The following GARIN5B variants were observed in gnomAD, a reference collection of about 807,000 sequenced individuals.
The protein encoded by GARIN5B is golgi associated RAB2 interactor family member 5B.
At chr19:55,358,104 A>G in the GARIN5B span, 22 of 1,417,614 alleles carry the variant, frequency 1.6e-5, no homozygotes, top group African/African-American at 2.8e-4. Context: ...TCTCATAAAC[A>G]GCAGAGCTCA....
chr19:55,356,090 A>C, the GARIN5B span, among the ~76,000 whole-genome samples: 1 of 151,716 alleles, frequency 6.6e-6, no homozygotes, highest in South Asian at 2.1e-4. Context: ...ACACCGCTGC[A>C]CTCTAGCCTG....
At chr19:55,358,948 C>T in the GARIN5B span, 36 of 1,551,066 alleles carry the variant, frequency 2.3e-5, no homozygotes, top group South Asian at 3.7e-4. Flanking sequence ...CCTCCAACTT[C>T]CCCTGGCCCC....
the GARIN5B span, chr19:55,361,044 C>T: frequency 2.0e-5 from 31 of 1,550,796 alleles, no homozygotes; most frequent in East Asian, 2.4e-5. Context: ...GCTCCAGCTG[C>T]GACCAGATGA....
the GARIN5B span, chr19:55,362,665 G>A: frequency 6.5e-7 from 1 of 1,546,490 alleles, no homozygotes; most frequent in Non-Finnish European, 8.7e-7. Flanking sequence ...TGGCAGGGAG[G>A]CGGCCACGCC....
chr19:55,356,849 G>A, the GARIN5B span, among the ~76,000 whole-genome samples: 14 of 151,660 alleles, frequency 9.2e-5, no homozygotes, highest in African/African-American at 2.4e-4. Flanking sequence ...TCAGGAGTTC[G>A]AGACCAGCCT....
chr19:55,357,923 A>G, the GARIN5B span, among the ~76,000 whole-genome samples: 108,513 of 151,670 alleles, frequency 0.72, 40,014 homozygotes, highest in East Asian at 0.88. Flanking sequence ...GCGTGGTGGC[A>G]CACGCCTGTA....
chr19:55,358,164 C>T, the GARIN5B span: 13 of 1,499,678 alleles, frequency 8.7e-6, no homozygotes, highest in Admixed American at 4.6e-5. Flanking sequence ...AGGTTCAAGA[C>T]GCCCGATTCC....
chr19:55,361,609 C>T, the GARIN5B span, among the ~76,000 whole-genome samples: 12 of 147,632 alleles, frequency 8.1e-5, no homozygotes, highest in African/African-American at 2.7e-4. Context: ...AGTCCAGGCC[C>T]CCAGTCCCTC....
chr19:55,357,408 G>T, the GARIN5B span, among the ~76,000 whole-genome samples: 1 of 152,116 alleles, frequency 6.6e-6, no homozygotes, highest in African/African-American at 2.4e-5. Context: ...ACCTCTGACC[G>T]CATTTCCCAC....
At chr19:55,355,245 G>A in the GARIN5B span, 1 of 1,411,226 alleles carries the variant, frequency 7.1e-7, no homozygotes, top group Non-Finnish European at 9.6e-7. Context: ...AGATCTCCAG[G>A]GTCTTAAAGG....
At chr19:55,359,052 C>T in the GARIN5B span, 1 of 1,551,362 alleles carries the variant, frequency 6.4e-7, no homozygotes, top group Non-Finnish European at 8.7e-7. Context: ...GGGGACTTGG[C>T]CTGAGTCGTC....
the GARIN5B span, chr19:55,358,565 C>T: frequency 1.3e-6 from 2 of 1,550,168 alleles, no homozygotes; most frequent in Non-Finnish European, 1.7e-6. Context: ...TGGCCGCTTG[C>T]CCTCCTTCAC....
the GARIN5B span, chr19:55,361,010 C>G: frequency 1.3e-6 from 2 of 1,550,864 alleles, no homozygotes; most frequent in Non-Finnish European, 1.7e-6. Context: ...TTCTTTTCTG[C>G]AGGTTTCTTC....
At chr19:55,361,097 T>C in the GARIN5B span, 1 of 1,551,324 alleles carries the variant, frequency 6.4e-7, no homozygotes, top group South Asian at 1.2e-5. Context: ...AAACTGCGCT[T>C]GAGCGCCTGG....
At chr19:55,357,454 T>C in the GARIN5B span, among the ~76,000 whole-genome samples, 2 of 152,142 alleles carry the variant, frequency 1.3e-5, no homozygotes, top group African/African-American at 4.8e-5. Context: ...TTACAAACAC[T>C]CCTGCCTCAG....
chr19:55,360,525 C>T, the GARIN5B span, among the ~76,000 whole-genome samples: 10 of 147,522 alleles, frequency 6.8e-5, no homozygotes, highest in Non-Finnish European at 1.1e-4. Flanking sequence ...AAGTCCAGGC[C>T]GCAGTTCCTC....
chr19:55,362,291 A>AG, the GARIN5B span: 10 of 1,548,194 alleles, frequency 6.5e-6, no homozygotes, highest in East Asian at 4.9e-5. Flanking sequence ...CGGCATATCC[A>AG]GGGGGGCCGT....
chr19:55,359,778 G>A, the GARIN5B span: 5 of 1,551,308 alleles, frequency 3.2e-6, no homozygotes, highest in South Asian at 3.6e-5. Flanking sequence ...GGGGGATAGG[G>A]AGCCAGACCG....
the GARIN5B span, chr19:55,355,130 C>T: frequency 4.8e-4 from 194 of 403,954 alleles, 1 homozygote; most frequent in South Asian, 1.7e-3. Context: ...GCGGTGGGGT[C>T]CGGGCTCCTG....
Sources: allele counts gnomAD v4.1 joint callset (sites outside exome capture counted in the v4.1 genomes callset), GRCh38; gene constraint gnomAD v4.1.1; transcripts MANE v1.5; gene names NCBI Gene and HGNC (gene_info 2026-07-23, HGNC 2026-07-21).